Variants in NREP observed in about 807,000 individuals in gnomAD.
NREP encodes neuronal regeneration related protein.
NREP carries 5 observed loss-of-function variants against 8.6 expected under a neutral mutation model. That is an observed-to-expected ratio of 0.58 (90% CI 0.30 to 1.22). The LOEUF (loss-of-function observed/expected upper bound fraction) is 1.22, where lower values mean the gene tolerates loss of function less well. NREP is among the 50% of genes most tolerant of loss of function. NREP has a pLI of 0.07. For synonymous variants in NREP, 27 were observed against 28.0 expected (o/e 0.96, Z 0.11); for missense variants, 86 against 82.5 (o/e 1.04, Z -0.17).
intron 2 of NREP, among the ~76,000 whole-genome samples, chr5:111,740,427 G>A (rs999974106): frequency 6.6e-6 from 1 of 151,998 alleles, no homozygotes; most frequent in African/African-American, 2.4e-5. Flanking sequence ...CATACAAATT[G>A]GAAATAAAAT....
chr5:111,826,200 G>C (rs117948585), intron 2 of NREP, among the ~76,000 whole-genome samples: 2 of 152,056 alleles, frequency 1.3e-5, no homozygotes, highest in East Asian at 3.9e-4. Flanking sequence ...GTTCGTAAAC[G>C]CACCAATCAG....
intron 2 of NREP, among the ~76,000 whole-genome samples, chr5:111,787,152 C>T (rs1467910578): frequency 1.3e-5 from 2 of 152,168 alleles, no homozygotes; most frequent in Admixed American, 6.5e-5. Flanking sequence ...CCTGTGCTTC[C>T]TCCCACATCC....
Position 111,885,825 on chromosome 5 carries a change from G to A in NREP, c.135+89449C>T, listed in dbSNP as rs540879684. Among the ~76,000 whole-genome samples the A allele has an allele frequency of 1.8e-3, 278 of 152,262 alleles. 1 individual carries two copies. The highest frequency in any genetic ancestry group is 6.3e-3 in the African/African-American group (260 of 41,540). On this transcript the variant is annotated intron_variant, in intron 2 of 3. Transcript: ENST00000395634. ...CCACCTTATACAAAAATTAATTCAA[G>A]ATGAATTAAAGACTTAAACTTTAGA...
At chr5:111,905,505 G>A (rs1018587809) in intron 2 of NREP, among the ~76,000 whole-genome samples, 30 of 152,118 alleles carry the variant, frequency 2.0e-4, no homozygotes, top group Admixed American at 8.5e-4. Flanking sequence ...GCGGTCCATG[G>A]AAGACTGAAG....
At chr5:111,913,299 TA>T (rs1220120769) in intron 2 of NREP, among the ~76,000 whole-genome samples, 5 of 152,152 alleles carry the variant, frequency 3.3e-5, no homozygotes, top group Admixed American at 3.3e-4. Flanking sequence ...AAAGCGGTCT[TA>T]TAAAATATCC....
intron 2 of NREP, among the ~76,000 whole-genome samples, chr5:111,766,698 T>C (rs1452014886): frequency 6.6e-6 from 1 of 152,194 alleles, no homozygotes; most frequent in Admixed American, 6.5e-5. Flanking sequence ...TAGAGTTCTG[T>C]TGCTTCCTCC....
intron 2 of NREP, among the ~76,000 whole-genome samples, chr5:111,816,183 A>C (rs945020946): frequency 2.6e-5 from 4 of 152,218 alleles, no homozygotes; most frequent in African/African-American, 9.6e-5. Context: ...GTTTTTGAAT[A>C]AGAGATAGAG....
intron 2 of NREP, among the ~76,000 whole-genome samples, chr5:111,942,481 G>T (rs1301394904): frequency 6.6e-6 from 1 of 151,974 alleles, no homozygotes; most frequent in Non-Finnish European, 1.5e-5. Flanking sequence ...CTGCAACATT[G>T]CAGGTGTCTT....
intron 2 of NREP, among the ~76,000 whole-genome samples, chr5:111,866,781 G>A (rs1753674583): frequency 6.6e-6 from 1 of 151,824 alleles, no homozygotes; most frequent in Non-Finnish European, 1.5e-5. Flanking sequence ...TTAAGAAAAT[G>A]TGGCACATAT....
chr5:111,812,204 T>C (rs1175290175), intron 2 of NREP, among the ~76,000 whole-genome samples: 1 of 152,110 alleles, frequency 6.6e-6, no homozygotes, highest in East Asian at 1.9e-4. Context: ...GGAAGACTGC[T>C]TGAGCCTGGG....
intron 2 of NREP, chr5:111,738,985 C>A (rs1749407048): frequency 6.6e-6 from 1 of 152,256 alleles, no homozygotes; most frequent in African/African-American, 2.4e-5. Flanking sequence ...AAGAAACCAA[C>A]CCTGCCAACA....
At chr5:111,781,734 T>C (rs1024469734) in intron 2 of NREP, among the ~76,000 whole-genome samples, 2 of 152,218 alleles carry the variant, frequency 1.3e-5, no homozygotes, top group Non-Finnish European at 2.9e-5. Context: ...TTGGGTCATA[T>C]CTGTTTTCAT....
At chr5:111,841,145 T>A (rs1265416652) in intron 2 of NREP, among the ~76,000 whole-genome samples, 2 of 152,116 alleles carry the variant, frequency 1.3e-5, no homozygotes, top group African/African-American at 4.8e-5. Flanking sequence ...GGGTGCATTA[T>A]CAAGTAGGGT....
intron 2 of NREP, among the ~76,000 whole-genome samples, chr5:111,825,892 C>A (rs114106716): frequency 0.025 from 3,786 of 151,998 alleles, 59 homozygotes; most frequent in Non-Finnish European, 0.027. Flanking sequence ...TGGGTGGCAC[C>A]TAGGTCATAT....
intron 2 of NREP, among the ~76,000 whole-genome samples, chr5:111,837,007 A>G (rs193302285): frequency 6.6e-6 from 1 of 152,122 alleles, no homozygotes; most frequent in Non-Finnish European, 1.5e-5. Flanking sequence ...ATTTAATTCC[A>G]ATTAAGCCTA....
chr5:111,850,659 T>G (rs1017426321), intron 2 of NREP, among the ~76,000 whole-genome samples: 1 of 152,170 alleles, frequency 6.6e-6, no homozygotes, highest in Non-Finnish European at 1.5e-5. Flanking sequence ...TTCCTATTAT[T>G]GTTGCCAGTT....
intron 2 of NREP, among the ~76,000 whole-genome samples, chr5:111,754,401 C>T (rs1303618322): frequency 1.3e-5 from 2 of 152,158 alleles, no homozygotes. Flanking sequence ...TTGCAACATA[C>T]ATGAAACCTC....
At chr5:111,754,561 C>T (rs1169578225) in intron 2 of NREP, among the ~76,000 whole-genome samples, 1 of 152,200 alleles carries the variant, frequency 6.6e-6, no homozygotes, top group Non-Finnish European at 1.5e-5. Flanking sequence ...TCTATGACAA[C>T]AGCTAATTAA....
upstream of NREP, chr5:111,757,631 C>G (rs142387259): frequency 1.0e-6 from 1 of 983,108 alleles, no homozygotes; most frequent in Admixed American, 6.2e-5. Flanking sequence ...CGACACCCCG[C>G]ACCCGCGCCC....
Sources: gnomAD v4.1 joint callset for allele counts (sites outside exome capture counted in the v4.1 genomes callset) on GRCh38, gnomAD v4.1.1 for gene constraint, MANE v1.5 for transcripts, NCBI Gene and HGNC (gene_info 2026-07-23, HGNC 2026-07-21) for gene names.